RPS6KA3: variants seen among roughly 807,000 people sequenced by gnomAD.
RPS6KA3 encodes ribosomal protein S6 kinase alpha-3.
A neutral mutation model predicts 67.2 loss-of-function variants in RPS6KA3; 4 were observed. The observed-to-expected ratio is 0.06, with a 90% CI of 0.03 to 0.14. The LOEUF (loss-of-function observed/expected upper bound fraction) is 0.14. Among genes scored for constraint, RPS6KA3 ranks in the 10% least tolerant of loss-of-function variants. RPS6KA3 has a pLI of 1.00. For synonymous variants in RPS6KA3, 182 were observed against 183.7 expected (o/e 0.99, Z 0.07); for missense variants, 204 against 559.0 (o/e 0.36, Z 6.40).
intron 18 of RPS6KA3, 38 bp from the exon 19 acceptor site, chrX:20,163,078 T>A: frequency 1.2e-6 from 1 of 845,488 alleles, no homozygotes; most frequent in South Asian, 2.0e-5. Context: ...TATACCACCA[T>A]TTTGTATATA....
chrX:20,255,585 G>A (rs1293163556), intron 1 of RPS6KA3, among the ~76,000 whole-genome samples: 5 of 109,942 alleles, frequency 4.5e-5, no homozygotes, highest in Admixed American at 3.9e-4. Context: ...CCAGAAGTTC[G>A]AGACCAACCT....
rs1183435589 is a variant in RPS6KA3, at chrX:20,167,597, C to T, written c.1594G>A (p.Ala532Thr). ...GTGGTAAAAAGACTTACCCCTTGTGCGTGAAGATATTCAACGGTTTTAGTT... is the reference window on the plus strand; with the variant it reads ...GTGGTAAAAAGACTTACCCCTTGTGTGTGAAGATATTCAACGGTTTTAGTT... The part of the protein sequence containing the change: ...TITKTVEYLH[A>T]QGVVHRDLKP... Residue 532 changes from alanine to threonine, a missense_variant, in exon 17 of 22, where the codon GCA (alanine) becomes ACA (threonine). Physicochemically the swap from Ala to Thr is moderately conservative, Grantham distance 58. Transcript: ENST00000379565. 3 of 1,209,451 alleles carry T rather than the reference C, an allele frequency of 2.5e-6. No individual in the cohort carries two copies. Among genetic ancestry groups the T allele is most frequent in the African/African-American group, 1.7e-5 (1 of 57,709 alleles).
intron 2 of RPS6KA3, among the ~76,000 whole-genome samples, chrX:20,223,597 C>T (rs1160525189): frequency 9.0e-6 from 1 of 111,446 alleles, no homozygotes; most frequent in Admixed American, 9.5e-5. Flanking sequence ...AAAATTCCAA[C>T]CATATGCAAA....
In RPS6KA3 at chrX:20,187,837, A is replaced by G; in HGVS notation, c.765T>C (p.Gly255=). The change falls in exon 9 of 22, where the codon GGT becomes GGC. Residue 255 remains glycine, a synonymous_variant. Transcript: ENST00000379565. ...CAAATTCAAACCTTACCATTAACAC[A>G]CCAAAAGACCACCAGTCAGCACTCT... is the stretch of plus-strand genomic sequence containing the variant. ...HTQSADWWSF[G]VLMFEMLTGT... 1 of 1,208,815 alleles carries G rather than the reference A, an allele frequency of 8.3e-7. No individual in the cohort carries two copies. The highest frequency in any genetic ancestry group is 1.8e-5 in the South Asian group (1 of 56,913).
At chrX:20,242,500 G>C (rs1331328804) in intron 1 of RPS6KA3, among the ~76,000 whole-genome samples, 1 of 111,517 alleles carries the variant, frequency 9.0e-6, no homozygotes, top group African/African-American at 3.3e-5. Context: ...AATGGCAGAA[G>C]CAGGATTCAA....
intron 15 of RPS6KA3, among the ~76,000 whole-genome samples, chrX:20,172,502 G>A (rs2067597474): frequency 9.0e-6 from 1 of 111,062 alleles, no homozygotes; most frequent in South Asian, 3.7e-4. Flanking sequence ...ATCACTTGAG[G>A]TAAAAAAAGA....
At position 20,150,352 on chromosome X, in the gene RPS6KA3, G is replaced by A. The variant is rs927680215; in HGVS notation, c.*5046C>T. On this transcript the variant is annotated 3_prime_UTR_variant, in exon 22 of 22. Transcript: ENST00000379565. ...AGGCACCCACCCCATTCCCACCCAT[G>A]ACCAAAAATGCAAAATAAGTACATC... 3.6e-5 allele frequency: 4 copies of A among 110,712 alleles called. No individual in the cohort carries two copies. The South Asian group carries it at 1.5e-3, about 42-fold the overall frequency. The allele number at this position is 110,712 out of a possible 1,213,427, so 9.1% of individuals were successfully genotyped here.
chrX:20,162,880 C>T, intron 19 of RPS6KA3, 84 bp downstream of exon 19: 2 of 699,875 alleles, frequency 2.9e-6, no homozygotes, highest in Non-Finnish European at 4.6e-6. Context: ...CAAAAAACCC[C>T]AAACAAAACA....
At chrX:20,211,011 A>C (rs926591846) in intron 2 of RPS6KA3, among the ~76,000 whole-genome samples, 8 of 110,669 alleles carry the variant, frequency 7.2e-5, no homozygotes, top group Non-Finnish European at 1.3e-4. Context: ...AAAAAAAAAA[A>C]AAAACCTTTC....
chrX:20,186,870 G>C (rs2067997503), intron 9 of RPS6KA3, among the ~76,000 whole-genome samples: 2 of 112,383 alleles, frequency 1.8e-5, no homozygotes, highest in Non-Finnish European at 3.8e-5. Flanking sequence ...GTCTTACTCT[G>C]TCACCCAGGC....
In RPS6KA3 at chrX:20,255,007, C is replaced by G. The variant is rs377725295; in HGVS notation, c.69+11557G>C. On this transcript the variant is annotated intron_variant, in intron 1 of 21. Coordinates refer to ENST00000379565, the MANE Select transcript of RPS6KA3 (RefSeq NM_004586.3). ...GGTATATATCCAAGAAAACTGGAAA[C>G]ATGTGTTCACATAAAAACTTAATAC... Among the ~76,000 whole-genome samples the G allele has an allele frequency of 8.0e-5, 9 of 112,325 alleles. No homozygotes were observed. In the East Asian group the frequency reaches 1.9e-3, roughly 24 times the overall value.
chrX:20,171,227 G>C (rs1351798280), intron 15 of RPS6KA3, among the ~76,000 whole-genome samples: 5 of 112,188 alleles, frequency 4.5e-5, no homozygotes, highest in Non-Finnish European at 7.5e-5. Flanking sequence ...AAGTTTTGGA[G>C]AGTCAAGTTA....
intron 1 of RPS6KA3, among the ~76,000 whole-genome samples, chrX:20,245,315 T>C (rs1323944531): frequency 8.9e-6 from 1 of 112,207 alleles, no homozygotes; most frequent in Non-Finnish European, 1.9e-5. Context: ...ACTGATTCTA[T>C]GTTTAAAGCT....
intron 1 of RPS6KA3, among the ~76,000 whole-genome samples, chrX:20,251,291 C>A (rs1339372892): frequency 8.9e-6 from 1 of 112,066 alleles, no homozygotes; most frequent in Non-Finnish European, 1.9e-5. Flanking sequence ...GCCACCATGC[C>A]TGGCTATTTA....
chrX:20,234,670 A>C, intron 2 of RPS6KA3, 88 bp downstream of exon 2: 1 of 683,384 alleles, frequency 1.5e-6, no homozygotes, highest in Non-Finnish European at 2.4e-6. Context: ...TAACACTGTA[A>C]AATGATTACT....
intron 2 of RPS6KA3, among the ~76,000 whole-genome samples, chrX:20,229,740 A>G (rs5955894): frequency 0.024 from 2,749 of 112,322 alleles, 89 homozygotes; most frequent in African/African-American, 0.083. Context: ...TTTGTATTTA[A>G]TATCATTAAA....
intron 15 of RPS6KA3, among the ~76,000 whole-genome samples, chrX:20,170,197 T>C (rs1351372027): frequency 1.8e-5 from 2 of 112,288 alleles, no homozygotes; most frequent in East Asian, 5.5e-4. Context: ...TTTAATCTGC[T>C]CAACTAATAT....
chrX:20,202,030 A>G (rs1393519498), intron 4 of RPS6KA3, among the ~76,000 whole-genome samples: 2 of 90,124 alleles, frequency 2.2e-5, no homozygotes, highest in African/African-American at 8.6e-5. Context: ...CCTAGGCTGG[A>G]GTACAGTGGT....
At chrX:20,255,831 G>A (rs377283765) in intron 1 of RPS6KA3, among the ~76,000 whole-genome samples, 163 of 97,006 alleles carry the variant, frequency 1.7e-3, no homozygotes, top group South Asian at 5.7e-3. Context: ...GAATTAGGCC[G>A]GATGCAGTGG....
Sources: gnomAD v4.1 joint callset for allele counts (sites outside exome capture counted in the v4.1 genomes callset) on GRCh38, gnomAD v4.1.1 for gene constraint, MANE v1.5 for transcripts, NCBI Gene and HGNC (gene_info 2026-07-23, HGNC 2026-07-21) for gene names.